KCNQ5: variants seen among roughly 807,000 people sequenced by gnomAD.
The protein encoded by KCNQ5 is potassium voltage-gated channel subfamily KQT member 5.
KCNQ5 carries 30 observed loss-of-function variants against 98.2 expected under a neutral mutation model. The observed-to-expected ratio is 0.31, with a 90% CI of 0.23 to 0.41. The LOEUF (loss-of-function observed/expected upper bound fraction) is 0.41, where lower values mean the gene tolerates loss of function less well. KCNQ5 is among the 10% of genes least tolerant of loss of function. KCNQ5 has a pLI of 1.00. For synonymous variants in KCNQ5, 458 were observed against 449.4 expected (o/e 1.02, Z -0.24); for missense variants, 835 against 1,182.5 (o/e 0.71, Z 4.31).
intron 10 of KCNQ5, among the ~76,000 whole-genome samples, chr6:73,141,410 A>G (rs1427097919): frequency 1.3e-5 from 2 of 152,140 alleles, no homozygotes; most frequent in Admixed American, 1.3e-4. Flanking sequence ...GCTTGTTCTT[A>G]GTTTTTAGTG....
intron 1 of KCNQ5, among the ~76,000 whole-genome samples, chr6:72,850,246 A>G (rs183342297): frequency 1.2e-3 from 183 of 152,290 alleles, no homozygotes; most frequent in Non-Finnish European, 1.9e-3. Flanking sequence ...GTCCAGTACA[A>G]ATGAAATATG....
intron 3 of KCNQ5, among the ~76,000 whole-genome samples, chr6:73,061,699 T>A (rs1772789587): frequency 6.6e-6 from 1 of 152,200 alleles, no homozygotes; most frequent in Non-Finnish European, 1.5e-5. Context: ...TCTTCATATA[T>A]TTCCTTAATT....
chr6:72,760,452 G>A (rs979152965), intron 1 of KCNQ5, among the ~76,000 whole-genome samples: 2 of 72,282 alleles, frequency 2.8e-5, no homozygotes, highest in African/African-American at 1.2e-4. Context: ...GAGTACGTGT[G>A]TGTGTGTGTG....
intron 2 of KCNQ5, among the ~76,000 whole-genome samples, chr6:73,038,567 T>C (rs1771546425): frequency 6.6e-6 from 1 of 152,086 alleles, no homozygotes; most frequent in African/African-American, 2.4e-5. Flanking sequence ...AAGAGTTTTT[T>C]TTAATCATAA....
At chr6:72,827,074 A>G (rs1039786357) in intron 1 of KCNQ5, among the ~76,000 whole-genome samples, 5 of 152,082 alleles carry the variant, frequency 3.3e-5, no homozygotes, top group African/African-American at 9.7e-5. Context: ...TTTATGGCTG[A>G]ATAGTATTCC....
At chr6:73,136,042 A>G (rs901430991) in intron 10 of KCNQ5, 5 of 152,212 alleles carry the variant, frequency 3.3e-5, no homozygotes, top group African/African-American at 9.6e-5. Context: ...GGACCATAAC[A>G]TATGAATTTT....
At chr6:73,100,619 A>G (rs1774731999) in intron 5 of KCNQ5, among the ~76,000 whole-genome samples, 1 of 151,970 alleles carries the variant, frequency 6.6e-6, no homozygotes, top group Non-Finnish European at 1.5e-5. Context: ...CAGTGAGCCC[A>G]GATCACACCA....
chr6:73,077,250 T>C, intron 3 of KCNQ5, 72 bp from the exon 4 acceptor site: 7 of 1,439,164 alleles, frequency 4.9e-6, no homozygotes, highest in Non-Finnish European at 6.8e-6. Flanking sequence ...GTGAACCTTT[T>C]GGAAATATTG....
At chr6:72,681,630 T>C (rs963864935) in intron 1 of KCNQ5, among the ~76,000 whole-genome samples, 2 of 152,220 alleles carry the variant, frequency 1.3e-5, no homozygotes, top group African/African-American at 4.8e-5. Context: ...ATGCAGCCTC[T>C]GCATGCATGC....
chr6:72,937,359 C>T (rs1340376347), intron 1 of KCNQ5, among the ~76,000 whole-genome samples: 1 of 152,144 alleles, frequency 6.6e-6, no homozygotes, highest in African/African-American at 2.4e-5. Context: ...CAGCAAGAAT[C>T]TGCCCTGAGG....
At chr6:72,686,627 C>G (rs1230224173) in intron 1 of KCNQ5, among the ~76,000 whole-genome samples, 1 of 148,420 alleles carries the variant, frequency 6.7e-6, no homozygotes, top group African/African-American at 2.5e-5. Context: ...TTCATAATAA[C>G]TTTTTAAAAA....
intron 1 of KCNQ5, among the ~76,000 whole-genome samples, chr6:72,910,569 T>G (rs1272170579): frequency 1.6e-5 from 2 of 128,528 alleles, no homozygotes; most frequent in Admixed American, 1.6e-4. Flanking sequence ...GGGGGGTGTG[T>G]GTGTGTGTGT....
rs528413747 is a variant in KCNQ5, at chr6:72,676,259, G to C, written c.398+53672G>C. Reference sequence around the variant, plus strand: ...TGTGAGCTAGGAATGGGAGAAGTGTGTGGGAATGTAATGTATCTGAAAGAA... The same window carrying C: ...TGTGAGCTAGGAATGGGAGAAGTGTCTGGGAATGTAATGTATCTGAAAGAA... On this transcript the variant is annotated intron_variant, in intron 1 of 13. Transcript: ENST00000370398. Among the ~76,000 whole-genome samples the C allele has an allele frequency of 2.6e-5, 4 of 152,298 alleles. No individual in the cohort carries two copies. In the South Asian group the frequency reaches 8.3e-4, roughly 32 times the overall value.
At chr6:72,630,470 C>T (rs772416910) in intron 1 of KCNQ5, 14 of 152,108 alleles carry the variant, frequency 9.2e-5, no homozygotes, top group Admixed American at 2.0e-4. Context: ...TTATGTATGC[C>T]AGGTAATGTG....
intron 1 of KCNQ5, among the ~76,000 whole-genome samples, chr6:72,975,219 A>G (rs1347366212): frequency 6.6e-6 from 1 of 152,070 alleles, no homozygotes; most frequent in East Asian, 1.9e-4. Flanking sequence ...GTTTCTACCT[A>G]CATAAAATCA....
At chr6:72,721,418 A>T (rs1304996347) in intron 1 of KCNQ5, among the ~76,000 whole-genome samples, 2 of 151,692 alleles carry the variant, frequency 1.3e-5, no homozygotes, top group African/African-American at 4.8e-5. Context: ...TTTTTTTTTT[A>T]AAGTCCTGAT....
intron 9 of KCNQ5, among the ~76,000 whole-genome samples, chr6:73,130,867 AT>A (rs1427811622): frequency 6.6e-6 from 1 of 152,240 alleles, no homozygotes; most frequent in East Asian, 1.9e-4. Context: ...TAACTTTCAT[AT>A]AATTATGTCA....
At chr6:72,986,889 C>T (rs536951338) in intron 1 of KCNQ5, 28 of 864,028 alleles carry the variant, frequency 3.2e-5, no homozygotes, top group Admixed American at 1.9e-4. Flanking sequence ...GGGGATGCTG[C>T]GGACACTTGC....
At chr6:72,969,055 G>A (rs1017148275) in intron 1 of KCNQ5, among the ~76,000 whole-genome samples, 1 of 152,092 alleles carries the variant, frequency 6.6e-6, no homozygotes, top group African/African-American at 2.4e-5. Flanking sequence ...AGAACTGTTT[G>A]GTTGCTCCTC....
Sources: allele counts gnomAD v4.1 joint callset (sites outside exome capture counted in the v4.1 genomes callset), GRCh38; gene constraint gnomAD v4.1.1; transcripts MANE v1.5; gene names NCBI Gene and HGNC (gene_info 2026-07-23, HGNC 2026-07-21).